MACO1: variants seen among roughly 807,000 people sequenced by gnomAD.
The protein encoded by MACO1 is macoilin.
In MACO1, 14 loss-of-function variants were observed where a neutral mutation model predicts 78.7. The observed-to-expected ratio is 0.18, with a 90% CI of 0.12 to 0.28. MACO1 has a LOEUF of 0.28. Among genes scored for constraint, MACO1 ranks in the 10% least tolerant of loss-of-function variants. The pLI is 1.00. For missense variants in MACO1, 501 were observed against 799.0 expected (o/e 0.63, Z 4.50); for synonymous variants, 288 against 291.6 (o/e 0.99, Z 0.12).
At chr1:25,497,865 T>C (rs1220698570) in intron 10 of MACO1, among the ~76,000 whole-genome samples, 1 of 152,224 alleles carries the variant, frequency 6.6e-6, no homozygotes, top group Non-Finnish European at 1.5e-5. Context: ...CTGACTGCCA[T>C]GTTCAAAACG....
chr1:25,453,747 A>G (rs536447547), intron 3 of MACO1, among the ~76,000 whole-genome samples: 5 of 151,844 alleles, frequency 3.3e-5, no homozygotes, highest in East Asian at 1.9e-4. Context: ...CCAAATTGCT[A>G]TCTAAAATGG....
intron 9 of MACO1, among the ~76,000 whole-genome samples, chr1:25,490,114 G>C (rs2043471713): frequency 6.6e-6 from 1 of 151,970 alleles, no homozygotes; most frequent in African/African-American, 2.4e-5. Context: ...CTTGAAACAA[G>C]GGAAAGATTT....
At chr1:25,496,508 C>T (rs1279529833) in intron 10 of MACO1, among the ~76,000 whole-genome samples, 2 of 152,164 alleles carry the variant, frequency 1.3e-5, no homozygotes, top group African/African-American at 4.8e-5. Flanking sequence ...ATATACCAAT[C>T]ATGTCTTTCT....
Position 25,498,605 on chromosome 1 carries a change from A to G in MACO1, c.*139A>G, listed in dbSNP as rs1307913894. 1 of 791,452 alleles carries G rather than the reference A, an allele frequency of 1.3e-6. No individual in the cohort carries two copies. Among genetic ancestry groups the G allele is most frequent in the Non-Finnish European group, 2.0e-6 (1 of 508,718 alleles). The allele number at this position is 791,452 out of a possible 1,614,324, so 49.0% of individuals were successfully genotyped here. ...TGTTGTCATTTTTAAAAAGGGGGGAAAAGATAACATCCAAGTCTGATTAGA... is the reference window on the plus strand; with the variant it reads ...TGTTGTCATTTTTAAAAAGGGGGGAGAAGATAACATCCAAGTCTGATTAGA... On this transcript the variant is annotated 3_prime_UTR_variant, in exon 11 of 11. Coordinates refer to ENST00000374343, the MANE Select transcript of MACO1 (RefSeq NM_018202.6).
intron 6 of MACO1, among the ~76,000 whole-genome samples, chr1:25,470,848 C>A (rs1434295490): frequency 6.6e-6 from 1 of 151,606 alleles, no homozygotes; most frequent in African/African-American, 2.4e-5. Flanking sequence ...GCCAACATGG[C>A]GAAACCCCAT....
At chr1:25,460,438 G>A (rs1480357962) in intron 6 of MACO1, among the ~76,000 whole-genome samples, 1 of 147,498 alleles carries the variant, frequency 6.8e-6, no homozygotes, top group Non-Finnish European at 1.5e-5. Flanking sequence ...GGATCTCACT[G>A]TTTTGCCCAG....
At chr1:25,489,568 C>A (rs919411870) in intron 9 of MACO1, among the ~76,000 whole-genome samples, 9 of 152,186 alleles carry the variant, frequency 5.9e-5, no homozygotes, top group Admixed American at 1.3e-4. Context: ...ATTCATTTAA[C>A]TTTTTCAGGT....
At chr1:25,454,488 A>T (rs371484743) in intron 4 of MACO1, 106 bp downstream of exon 4, 3,244 of 72,146 alleles carry the variant, frequency 0.045, 135 homozygotes, top group African/African-American at 0.074. Flanking sequence ...ATATATATAT[A>T]TTTTTTTTTT....
At chr1:25,453,850 AGTT>A (rs2043091326) in intron 3 of MACO1, among the ~76,000 whole-genome samples, 1 of 152,106 alleles carries the variant, frequency 6.6e-6, no homozygotes, top group Non-Finnish European at 1.5e-5. Context: ...TTTATCTAAT[AGTT>A]AAGAAAATGG....
intron 4 of MACO1, among the ~76,000 whole-genome samples, 164 bp downstream of exon 4, chr1:25,454,546 C>T (rs1168390176): frequency 1.4e-5 from 2 of 147,340 alleles, no homozygotes; most frequent in South Asian, 2.2e-4. Context: ...TGCAGTGGCA[C>T]GATCTTGGTT....
chr1:25,484,238 G>T lies in MACO1; in HGVS notation c.1277G>T (p.Gly426Val), dbSNP rs1347071990. 6.2e-7 allele frequency: 1 copy of T among 1,613,186 alleles called. No individual in the cohort carries two copies. Among genetic ancestry groups the T allele is most frequent in the East Asian group, 2.2e-5 (1 of 44,844 alleles). Residue 426 changes from glycine (G) to valine (V), a missense_variant, in exon 7 of 11, where the codon GGC becomes GTC. Coordinates refer to ENST00000374343, the MANE Select transcript of MACO1 (RefSeq NM_018202.6). The stretch of plus-strand genomic sequence containing the variant: ...GAGCGAGGGATCCGCTCAGAAATGG[G>T]CCAGCTTCGGCAGGAGAACGAGCTG... ...STERGIRSEM[G>V]QLRQENELLQ...
intron 7 of MACO1, among the ~76,000 whole-genome samples, chr1:25,484,712 CT>C (rs780060443): frequency 5.3e-5 from 8 of 152,194 alleles, no homozygotes; most frequent in Non-Finnish European, 1.2e-4. Context: ...GCCAGGTCTT[CT>C]GTGTGAATTC....
chr1:25,472,072 A>T (rs1004768774), intron 6 of MACO1, among the ~76,000 whole-genome samples: 1 of 152,138 alleles, frequency 6.6e-6, no homozygotes, highest in African/African-American at 2.4e-5. Context: ...CAGGGAAGAT[A>T]ATCTCAGTTT....
At chr1:25,438,058 C>T (rs1415099612) in intron 1 of MACO1, among the ~76,000 whole-genome samples, 2 of 151,916 alleles carry the variant, frequency 1.3e-5, no homozygotes, top group South Asian at 2.1e-4. Flanking sequence ...AAGGTTTTCA[C>T]GGTTTTGTAG....
At chr1:25,480,429 C>T (rs986046995) in intron 6 of MACO1, among the ~76,000 whole-genome samples, 5 of 152,128 alleles carry the variant, frequency 3.3e-5, no homozygotes, top group African/African-American at 1.2e-4. Context: ...TATTTTAGTT[C>T]TGTGTCTTAT....
At position 25,498,672 on chromosome 1, in the gene MACO1, C is replaced by T. The variant is rs367869235; in HGVS notation, c.*206C>T. The T allele has an allele frequency of 4.3e-6, 2 of 467,074 alleles. No homozygotes were observed. Among genetic ancestry groups the T allele is most frequent in the African/African-American group, 4.0e-5 (2 of 50,254 alleles). The allele number at this position is 467,074 out of a possible 1,614,324, so 28.9% of individuals were successfully genotyped here. On this transcript the variant is annotated 3_prime_UTR_variant, in exon 11 of 11. Transcript: ENST00000374343. ...TCTTGTAAATTTTTAGAAGACCTCA[C>T]AGAACTTTACAGTTTATTTTTCTCG... is the stretch of plus-strand genomic sequence containing the variant.
intron 3 of MACO1, among the ~76,000 whole-genome samples, chr1:25,453,082 C>T (rs1249492594): frequency 6.7e-5 from 10 of 149,130 alleles, no homozygotes; most frequent in African/African-American, 2.0e-4. Flanking sequence ...CTCGGCTCAC[C>T]GCAACCTCTG....
At chr1:25,458,956 T>C in intron 6 of MACO1, 64 bp downstream of exon 6, 1 of 1,538,818 alleles carries the variant, frequency 6.5e-7, no homozygotes, top group Non-Finnish European at 8.8e-7. Flanking sequence ...CTTGACATAC[T>C]CCCATATGGG....
At chr1:25,486,234 C>G (rs771884649) in intron 8 of MACO1, among the ~76,000 whole-genome samples, 5 of 152,026 alleles carry the variant, frequency 3.3e-5, no homozygotes, top group Non-Finnish European at 7.4e-5. Flanking sequence ...CTTGGTTGCC[C>G]AAGCACTGTG....
Sources: gnomAD v4.1 joint callset for allele counts (sites outside exome capture counted in the v4.1 genomes callset) on GRCh38, gnomAD v4.1.1 for gene constraint, MANE v1.5 for transcripts, NCBI Gene and HGNC (gene_info 2026-07-23, HGNC 2026-07-21) for gene names.